The following ZAN variants were observed in gnomAD, a reference collection of about 807,000 sequenced individuals.
ZAN encodes the protein zonadhesin.
ZAN carries 260 observed loss-of-function variants against 286.2 expected under a neutral mutation model. The observed-to-expected ratio is 0.91, with a 90% CI of 0.82 to 1.01. ZAN has a LOEUF of 1.01. Among genes scored for constraint, ZAN ranks in the 50% least tolerant of loss-of-function variants. ZAN has a pLI of 0.00. For missense variants in ZAN, 3,410 were observed against 3,639.2 expected (o/e 0.94, Z 1.62); for synonymous variants, 1,368 against 1,417.5 (o/e 0.97, Z 0.79).
rs150818217 is a variant in ZAN at position 100,759,852 on chromosome 7, C to A, written c.3696+7C>A. 1,454 of 1,611,262 alleles carry A rather than the reference C, an allele frequency of 9.0e-4. 20 individuals carry two copies. The African/African-American group carries it at 0.017, about 19-fold the overall frequency. On this transcript the variant is annotated splice_region_variant and intron_variant, in intron 18 of 47. Transcript: ENST00000613979. ...TAAGGGCAGACGCACTCTGGTGAGC[C>A]CCATTCCACCCCCACCATCCTTGCA...
chr7:100,775,060 T>C (rs775600004), intron 31 of ZAN, among the ~76,000 whole-genome samples: 26 of 152,252 alleles, frequency 1.7e-4, no homozygotes, highest in Non-Finnish European at 3.2e-4. Context: ...TCCAAGTAGC[T>C]GAGATTACAG....
intron 7 of ZAN, among the ~76,000 whole-genome samples, chr7:100,740,162 T>C (rs1807634042): frequency 7.1e-6 from 1 of 140,512 alleles, no homozygotes; most frequent in Non-Finnish European, 1.6e-5. Context: ...ATGAAGAGGG[T>C]GACCTGAGAT....
At chr7:100,781,908 T>C (rs919218778) in intron 35 of ZAN, among the ~76,000 whole-genome samples, 5 of 152,182 alleles carry the variant, frequency 3.3e-5, no homozygotes, top group African/African-American at 1.2e-4. Flanking sequence ...CCCAAAGTGC[T>C]AGGATTACAG....
At chr7:100,783,807 T>TATATATATACACAC (rs1562952500) in intron 35 of ZAN, among the ~76,000 whole-genome samples, 6 of 12,508 alleles carry the variant, frequency 4.8e-4, no homozygotes, top group African/African-American at 5.8e-4. Context: ...TATACACACA[T>TATATATATACACAC]ATATATATAC....
At position 100,756,840 on chromosome 7, in the gene ZAN, C is replaced by T. The variant is rs569326408; in HGVS notation, c.3310-1362C>T. 2.0e-5 allele frequency among the ~76,000 whole-genome samples: 3 copies of T among 152,334 alleles called. No individual in the cohort carries two copies. The East Asian group carries it at 5.8e-4, about 29-fold the overall frequency. The stretch of plus-strand genomic sequence containing the variant: ...CTGGAGTGCAATGGTGCCATCTCCG[C>T]TCACTGCAACCTCCGCTTCCCAGGT... On this transcript the variant is annotated intron_variant, in intron 15 of 47. Coordinates refer to ENST00000613979, the MANE Select transcript of ZAN (RefSeq NM_003386.3).
At chr7:100,780,626 A>G (rs994754837) in intron 35 of ZAN, among the ~76,000 whole-genome samples, 3 of 148,678 alleles carry the variant, frequency 2.0e-5, no homozygotes, top group Non-Finnish European at 4.5e-5. Context: ...GCATCCCTGC[A>G]CTCAAGTCTG....
At position 100,786,032 on chromosome 7, in the gene ZAN, G is replaced by T; in HGVS notation, c.6870G>T (p.Glu2290Asp). Residue 2290 changes from glutamate (E) to aspartate (D), a missense_variant, in exon 37 of 48, where the codon GAG becomes GAT. Glu to Asp is a conservative substitution (Grantham distance 45). Around this residue, in one of 7 missense-constraint regions of ZAN, gnomAD observed 1,289 missense variants for 1,314.3 expected, o/e 0.98. Coordinates refer to ENST00000613979, the MANE Select transcript of ZAN (RefSeq NM_003386.3). Reference sequence around the variant, plus strand: ...GCTGGGTCTCCAGCGGTTGCACGGAGAAGTGTGTCTGCACGGGAGGAGCCA... The same window carrying T: ...GCTGGGTCTCCAGCGGTTGCACGGATAAGTGTGTCTGCACGGGAGGAGCCA... ...GKSWVSSGCT[E>D]KCVCTGGAIQ... 1 of 1,613,992 alleles carries T rather than the reference G, an allele frequency of 6.2e-7. No homozygotes were observed. The highest frequency in any genetic ancestry group is 8.5e-7 in the Non-Finnish European group (1 of 1,179,894).
intron 44 of ZAN, 78 bp from the exon 45 acceptor site, chr7:100,795,118 C>G: frequency 6.6e-7 from 1 of 1,507,262 alleles, no homozygotes; most frequent in South Asian, 1.3e-5. Flanking sequence ...CCGGGCGTCC[C>G]AGCCCCCAGC....
intron 46 of ZAN, 32 bp downstream of exon 46, chr7:100,797,497 G>A (rs777219025): frequency 2.5e-6 from 4 of 1,613,848 alleles, no homozygotes; most frequent in Non-Finnish European, 3.4e-6. Context: ...GGAAGGGCGG[G>A]TGGGGTGTGC....
Position 100,773,292 on chromosome 7 carries a change from G to A in ZAN, c.5433G>A (p.Arg1811=), listed in dbSNP as rs377524420. ...TGCTCTCATTTTCTTTAGCTATGAG[G>A]TGCCCACCTGGCAGCAGCTACAGCC... is the stretch of plus-strand genomic sequence containing the variant. ...AWRNRTFCPM[R]CPPGSSYSPC... is the part of the protein sequence containing the mutation. The change falls in exon 30 of 48, where the codon AGG becomes AGA. Residue 1811 remains arginine, a synonymous_variant. Transcript: ENST00000613979. 5 of 1,613,124 alleles carry A rather than the reference G, an allele frequency of 3.1e-6. No individual in the cohort carries two copies. The highest frequency in any genetic ancestry group is 3.4e-6 in the Non-Finnish European group (4 of 1,179,878).
chr7:100,786,248 C>A, intron 37 of ZAN, 107 bp downstream of exon 37: 1 of 1,504,472 alleles, frequency 6.6e-7, no homozygotes, highest in South Asian at 1.3e-5. Context: ...CCAGCACAGT[C>A]AGGGGTTGGG....
rs762009417 is a variant in ZAN, at chr7:100,787,976, T to C, written c.7067T>C (p.Val2356Ala). ...CGCTTGCAAGGCCGCATGACCTATG[T>C]TCTGATCAAGACTGTGGACGTACTG... ...SYRLQGRMTYVLIKTVDVLPE... is the reference protein window; with the variant it reads ...SYRLQGRMTYALIKTVDVLPE... Residue 2356 changes from valine to alanine, a missense_variant, in exon 38 of 48, where the codon GTT (valine) becomes GCT (alanine). Val to Ala is a moderately conservative substitution (Grantham distance 64). Coordinates refer to ENST00000613979, the MANE Select transcript of ZAN (RefSeq NM_003386.3). The C allele has an allele frequency of 1.4e-5, 18 of 1,333,046 alleles. No homozygotes were observed. The African/African-American group carries it at 2.2e-4, about 16-fold the overall frequency. 82.6% of individuals were successfully genotyped at this position (1,333,046 alleles called of 1,614,324 possible). A position where few individuals can be genotyped will look rare whatever the true frequency, so the allele number is the denominator to read the frequency against.
In ZAN at chr7:100,751,337, G is replaced by C. The variant is rs79952076; in HGVS notation, c.1606+71G>C. ...TTCCCTGGAGTTCTCTCTATGAACTGCTTAAAATGTGAGTCCTCCCTGGAG... is the reference window on the plus strand; with the variant it reads ...TTCCCTGGAGTTCTCTCTATGAACTCCTTAAAATGTGAGTCCTCCCTGGAG... On this transcript the variant is annotated intron_variant, in intron 13 of 47. Coordinates refer to ENST00000613979, the MANE Select transcript of ZAN (RefSeq NM_003386.3). 7.0e-3 allele frequency: 8,043 copies of C among 1,147,112 alleles called. 468 individuals are homozygous for C. In the African/African-American group the frequency reaches 0.12, roughly 16 times the overall value. 71.1% of individuals were successfully genotyped at this position (1,147,112 alleles called of 1,614,324 possible). A position where few individuals can be genotyped will look rare whatever the true frequency, so the allele number is the denominator to read the frequency against.
intron 23 of ZAN, among the ~76,000 whole-genome samples, chr7:100,766,195 C>T (rs757118696): frequency 6.6e-6 from 1 of 151,912 alleles, no homozygotes. Flanking sequence ...CCATGTTGGC[C>T]AGGCTGGTCT....
At chr7:100,778,203 A>G (rs1810949014) in intron 34 of ZAN, among the ~76,000 whole-genome samples, 1 of 152,144 alleles carries the variant, frequency 6.6e-6, no homozygotes, top group Non-Finnish European at 1.5e-5. Context: ...GCTATTTGGG[A>G]GGCTTCAGCA....
Position 100,767,973 on chromosome 7 carries a change from T to G in ZAN, c.5003T>G (p.Val1668Gly). ...YDGSHLVEVT[V>G]PSSYGGQLCG... Reference sequence around the variant, plus strand: ...GGGAGCCACTTGGTGGAAGTGACAGTCCCCTCCTCCTATGGCGGCCAGCTC... The same window carrying G: ...GGGAGCCACTTGGTGGAAGTGACAGGCCCCTCCTCCTATGGCGGCCAGCTC... Residue 1668 changes from valine (V) to glycine (G), a missense_variant, in exon 26 of 48, where the codon GTC becomes GGC. Val to Gly is a moderately radical substitution (Grantham distance 109, BLOSUM62 -3). This residue lies in a region of ZAN where 1,042 missense variants were observed against 1,058.0 expected (regional missense o/e 0.98). Transcript: ENST00000613979. 1 of 1,613,816 alleles carries G rather than the reference T, an allele frequency of 6.2e-7. No individual in the cohort carries two copies. Among genetic ancestry groups the G allele is most frequent in the South Asian group, 1.1e-5 (1 of 91,066 alleles).
chr7:100,791,974 C>T lies in ZAN; in HGVS notation c.7538C>T (p.Pro2513Leu). The T allele has an allele frequency of 6.2e-7, 1 of 1,612,186 alleles. No individual in the cohort carries two copies. Residue 2513 changes from proline to leucine, a missense_variant, in exon 41 of 48, where the codon CCA becomes CTA. This residue lies in a region of ZAN where 1,289 missense variants were observed against 1,314.3 expected (regional missense o/e 0.98). Coordinates refer to ENST00000613979, the MANE Select transcript of ZAN (RefSeq NM_003386.3). ...GGCTGTCTCTACTGCAGGGCTATAC[C>T]AGCGGAGGAGGAGGGACAAGGGGCG... is the stretch of plus-strand genomic sequence containing the variant. ...DALLRFPRAI[P>L]AEEEGQGAEL...
Position 100,775,590 on chromosome 7 carries a change from G to A in ZAN, c.6027+15G>A. On this transcript the variant is annotated intron_variant, in intron 32 of 47. Coordinates refer to ENST00000613979, the MANE Select transcript of ZAN (RefSeq NM_003386.3). ...ACCGTGTGCTAGTGAGCTGGGTGTG[G>A]TGACCGGGGCTGGGAGGGAGTGCTG... is the stretch of plus-strand genomic sequence containing the variant. 1.2e-6 allele frequency: 2 copies of A among 1,612,368 alleles called. No individual in the cohort carries two copies. The highest frequency in any genetic ancestry group is 1.3e-5 in the African/African-American group (1 of 75,030).
Position 100,737,382 on chromosome 7 carries a change from G to C in ZAN, c.613+33G>C, listed in dbSNP as rs746543240. On this transcript the variant is annotated intron_variant, in intron 6 of 47. Transcript: ENST00000613979. ...CCTGTCCCTCCTCCCGCCTGCCCTC[G>C]GACCCTTTTCTCTCCGTCCTTGCAC... 1.7e-5 allele frequency: 23 copies of C among 1,338,344 alleles called. 3 individuals carry two copies. In the South Asian group the frequency reaches 2.8e-4, roughly 16 times the overall value. 82.9% of individuals were successfully genotyped at this position (1,338,344 alleles called of 1,614,324 possible). A position where few individuals can be genotyped will look rare whatever the true frequency, so the allele number is the denominator to read the frequency against.
Sources: allele counts gnomAD v4.1 joint callset (sites outside exome capture counted in the v4.1 genomes callset), GRCh38; gene constraint gnomAD v4.1.1; regional missense constraint gnomAD v4.1.1; transcripts MANE v1.5; gene names NCBI Gene and HGNC (gene_info 2026-07-23, HGNC 2026-07-21).